The following SPATA17 variants were observed in gnomAD, a reference collection of about 807,000 sequenced individuals.
SPATA17 encodes the protein spermatogenesis associated 17, also known as spermatogenesis-associated protein 17.
In SPATA17, 53 loss-of-function variants were observed where a neutral mutation model predicts 62.2. That is an observed-to-expected ratio of 0.85 (90% CI 0.68 to 1.07). The LOEUF is 1.07. SPATA17 is among the 50% of genes least tolerant of loss of function. The probability of loss-of-function intolerance (pLI) is 0.00; values close to 1 mark genes in which losing one functional copy is unlikely to be tolerated. For missense variants in SPATA17, 466 were observed against 425.5 expected, an observed-to-expected ratio of 1.10 and a Z score of -0.84; for synonymous variants, 146 against 146.8, an observed-to-expected ratio of 0.99 and a Z score of 0.04.
intron 10 of SPATA17, among the ~76,000 whole-genome samples, chr1:217,863,512 C>T (rs1675940166): frequency 6.6e-6 from 1 of 152,124 alleles, no homozygotes; most frequent in Admixed American, 6.6e-5. Flanking sequence ...AGCCAAAATA[C>T]TTCTCAGTGC....
intron 1 of SPATA17, among the ~76,000 whole-genome samples, chr1:217,638,126 T>G (rs190552361): frequency 2.6e-4 from 40 of 152,202 alleles, no homozygotes; most frequent in Non-Finnish European, 5.4e-4. Context: ...AAAAATTTTT[T>G]GGCTATTCCT....
chr1:217,708,225 T>C (rs1671779898), intron 5 of SPATA17, among the ~76,000 whole-genome samples: 1 of 151,518 alleles, frequency 6.6e-6, no homozygotes, highest in South Asian at 2.1e-4. Context: ...ATGAAGGAAG[T>C]TGAAACAAAA....
intron 3 of SPATA17, among the ~76,000 whole-genome samples, chr1:217,666,258 G>A (rs922643469): frequency 4.1e-4 from 63 of 152,032 alleles, no homozygotes; most frequent in African/African-American, 1.4e-3. Context: ...TTAACATTCC[G>A]TAGGTACAAT....
chr1:217,841,840 T>C (rs1675411067), intron 9 of SPATA17, among the ~76,000 whole-genome samples: 1 of 151,116 alleles, frequency 6.6e-6, no homozygotes, highest in African/African-American at 2.4e-5. Flanking sequence ...TAATTTTTCA[T>C]ATACATATTA....
intron 9 of SPATA17, among the ~76,000 whole-genome samples, chr1:217,839,578 A>C (rs6661962): frequency 2.6e-5 from 4 of 152,106 alleles, no homozygotes; most frequent in African/African-American, 9.7e-5. Flanking sequence ...CTAGTTTATA[A>C]AAAATATTTA....
chr1:217,674,629 G>A (rs564625558), intron 4 of SPATA17, among the ~76,000 whole-genome samples: 2 of 152,214 alleles, frequency 1.3e-5, no homozygotes, highest in Non-Finnish European at 2.9e-5. Flanking sequence ...CCAAGCAGAG[G>A]TGCCCACAGC....
At chr1:217,802,600 T>C (rs1674340169) in intron 9 of SPATA17, among the ~76,000 whole-genome samples, 1 of 152,152 alleles carries the variant, frequency 6.6e-6, no homozygotes, top group African/African-American at 2.4e-5. Flanking sequence ...CAGGCTGTCT[T>C]GTATCTCTCC....
intron 8 of SPATA17, among the ~76,000 whole-genome samples, chr1:217,790,721 C>T (rs555293407): frequency 2.0e-5 from 3 of 152,196 alleles, no homozygotes; most frequent in Non-Finnish European, 4.4e-5. Flanking sequence ...AGCCACCGCG[C>T]CCGGCCAAAT....
At chr1:217,748,501 G>A (rs191362239) in intron 6 of SPATA17, among the ~76,000 whole-genome samples, 1 of 151,784 alleles carries the variant, frequency 6.6e-6, no homozygotes, top group Non-Finnish European at 1.5e-5. Context: ...CCAGCACTTG[G>A]GGAGGCCAAG....
chr1:217,683,016 T>C (rs1331417170), intron 4 of SPATA17, among the ~76,000 whole-genome samples: 1 of 151,858 alleles, frequency 6.6e-6, no homozygotes, highest in Non-Finnish European at 1.5e-5. Flanking sequence ...TTCTGTGAGA[T>C]AATTATAAAT....
At chr1:217,840,162 A>G (rs1675359582) in intron 9 of SPATA17, among the ~76,000 whole-genome samples, 1 of 152,166 alleles carries the variant, frequency 6.6e-6, no homozygotes, top group Non-Finnish European at 1.5e-5. Flanking sequence ...GATAAAACAA[A>G]GGTATTTAAT....
At chr1:217,690,348 C>T (rs1193098091) in intron 5 of SPATA17, among the ~76,000 whole-genome samples, 1 of 152,000 alleles carries the variant, frequency 6.6e-6, no homozygotes, top group Non-Finnish European at 1.5e-5. Context: ...TCAGATACAG[C>T]TTCTATCTTG....
chr1:217,753,226 C>T (rs1672958315), intron 6 of SPATA17, among the ~76,000 whole-genome samples: 1 of 152,230 alleles, frequency 6.6e-6, no homozygotes, highest in Admixed American at 6.5e-5. Context: ...AAAGCTTAAG[C>T]TTCCTTAGTT....
At chr1:217,831,035 A>T (rs1346147680) in intron 9 of SPATA17, among the ~76,000 whole-genome samples, 1 of 152,148 alleles carries the variant, frequency 6.6e-6, no homozygotes, top group Non-Finnish European at 1.5e-5. Flanking sequence ...TCCAGGAGCT[A>T]TTTGCAAAGG....
At chr1:217,704,405 C>G (rs1359913357) in intron 5 of SPATA17, among the ~76,000 whole-genome samples, 1 of 150,590 alleles carries the variant, frequency 6.6e-6, no homozygotes, top group African/African-American at 2.4e-5. Context: ...CGCCCGCCAC[C>G]GCGCCCGGCT....
At chr1:217,813,879 A>C (rs1479900238) in intron 9 of SPATA17, among the ~76,000 whole-genome samples, 5 of 152,140 alleles carry the variant, frequency 3.3e-5, no homozygotes, top group African/African-American at 1.2e-4. Flanking sequence ...GGCAGAGCCA[A>C]ATACTGTATT....
At chr1:217,672,965 A>C (rs1670864837) in intron 4 of SPATA17, among the ~76,000 whole-genome samples, 1 of 152,122 alleles carries the variant, frequency 6.6e-6, no homozygotes, top group Non-Finnish European at 1.5e-5. Context: ...AGGTGGTTAA[A>C]TAAATATCCC....
At chr1:217,692,699 G>A (rs1401206002) in intron 5 of SPATA17, among the ~76,000 whole-genome samples, 1 of 120,082 alleles carries the variant, frequency 8.3e-6, no homozygotes, top group Non-Finnish European at 1.7e-5. Flanking sequence ...TTTTTAGCAT[G>A]AAGGTTGTTG....
At chr1:217,863,222 A>G (rs577456833) in intron 10 of SPATA17, among the ~76,000 whole-genome samples, 2 of 149,384 alleles carry the variant, frequency 1.3e-5, no homozygotes, top group South Asian at 4.2e-4. Context: ...TCCCAGGTTC[A>G]AGTGATTCTC....
Sources: allele counts gnomAD v4.1 joint callset (sites outside exome capture counted in the v4.1 genomes callset), GRCh38; gene constraint gnomAD v4.1.1; transcripts MANE v1.5; gene names NCBI Gene and HGNC (gene_info 2026-07-23, HGNC 2026-07-21).